MTM1: variants seen among roughly 807,000 people sequenced by gnomAD.
MTM1 encodes the protein myotubularin.
MTM1 carries 9 observed loss-of-function variants against 52.1 expected under a neutral mutation model. The observed-to-expected ratio is 0.17, with a 90% CI of 0.10 to 0.30. The LOEUF (loss-of-function observed/expected upper bound fraction) is 0.30. Ranked by LOEUF, MTM1 falls within the 10% of genes least tolerant of loss-of-function variation. The pLI is 1.00. For synonymous variants in MTM1, 136 were observed against 163.8 expected, an observed-to-expected ratio of 0.83 and a Z score of 1.29; for missense variants, 277 against 470.7, an observed-to-expected ratio of 0.59 and a Z score of 3.81.
In MTM1 at chrX:150,596,543, C is replaced by T. The variant is rs587783753; in HGVS notation, c.109C>T (p.Arg37Ter). ...TCGAGATCTCACTGAGGCTGTTCCT[C>T]GACTTCCAGGAGAAACACTAATCAC... ...VNRDLTEAVP[R>*]LPGETLITDK... Residue 37 changes from arginine to a stop codon, truncating the protein, a stop_gained, in exon 3 of 15, where the codon CGA becomes TGA. Coordinates refer to ENST00000370396, the MANE Select transcript of MTM1 (RefSeq NM_000252.3). LOFTEE classifies it high-confidence loss of function. The T allele has an allele frequency of 1.7e-6, 2 of 1,207,780 alleles. No individual in the cohort carries two copies. The highest frequency in any genetic ancestry group is 2.2e-6 in the Non-Finnish European group (2 of 893,760).
At chrX:150,646,181 G>A (rs142893100) in intron 9 of MTM1, among the ~76,000 whole-genome samples, 1 of 112,140 alleles carries the variant, frequency 8.9e-6, no homozygotes, top group East Asian at 2.8e-4. Flanking sequence ...ATCACTCATT[G>A]TGTACACTAT....
intron 6 of MTM1, among the ~76,000 whole-genome samples, chrX:150,630,205 G>T (rs2039642985): frequency 9.0e-6 from 1 of 111,681 alleles, no homozygotes; most frequent in South Asian, 3.7e-4. Context: ...CGATTTTCGT[G>T]CCTCAGCCTC....
intron 4 of MTM1, among the ~76,000 whole-genome samples, chrX:150,608,513 C>T (rs1276480393): frequency 8.9e-6 from 1 of 112,047 alleles, no homozygotes; most frequent in Non-Finnish European, 1.9e-5. Context: ...GCCACCATGC[C>T]CAGCCCTTTA....
chrX:150,643,060 A>G (rs2039874391), intron 8 of MTM1, among the ~76,000 whole-genome samples: 1 of 111,873 alleles, frequency 8.9e-6, no homozygotes, highest in Non-Finnish European at 1.9e-5. Flanking sequence ...ACTATTAGGT[A>G]CTATTAAGCG....
chrX:150,574,596 A>G (rs2038436933), intron 1 of MTM1, among the ~76,000 whole-genome samples: 1 of 112,622 alleles, frequency 8.9e-6, no homozygotes, highest in African/African-American at 3.2e-5. Flanking sequence ...AGCATGTGCG[A>G]AATATTTCAA....
rs146077401 is a variant in MTM1 at position 150,605,791 on chromosome X, G to T, written c.231+7105G>T. On this transcript the variant is annotated intron_variant, in intron 4 of 14. Coordinates refer to ENST00000370396, the MANE Select transcript of MTM1 (RefSeq NM_000252.3). ...CTGGGTGTTGTGCCATCTAAGAGCT[G>T]GGTGTGGAACAAGTGCAGCAGTACT... Among the ~76,000 whole-genome samples the T allele has an allele frequency of 5.8e-3, 646 of 111,558 alleles. 4 individuals are homozygous for T. The highest frequency in any genetic ancestry group is 0.014 in the Middle Eastern group (3 of 215).
At chrX:150,610,196 C>T (rs1473778639) in intron 4 of MTM1, among the ~76,000 whole-genome samples, 4 of 111,630 alleles carry the variant, frequency 3.6e-5, no homozygotes, top group African/African-American at 1.3e-4. Context: ...GTTTGCCCTC[C>T]TTTGACCTCC....
intron 6 of MTM1, among the ~76,000 whole-genome samples, chrX:150,621,032 C>T (rs183987752): frequency 6.8e-5 from 7 of 103,627 alleles, no homozygotes; most frequent in Admixed American, 1.1e-4. Flanking sequence ...GCAGGACAAT[C>T]GCTTGAACCC....
At chrX:150,654,207 TA>T (rs1251706878) in intron 10 of MTM1, among the ~76,000 whole-genome samples, 2 of 112,249 alleles carry the variant, frequency 1.8e-5, no homozygotes, top group African/African-American at 6.5e-5. Flanking sequence ...TCGTGGGAAT[TA>T]ATACTTAATT....
At chrX:150,620,497 T>C (rs2039459454) in intron 6 of MTM1, among the ~76,000 whole-genome samples, 1 of 111,948 alleles carries the variant, frequency 8.9e-6, no homozygotes, top group African/African-American at 3.3e-5. Context: ...CCAAATCTAG[T>C]GGCTCATTTC....
upstream of MTM1, among the ~76,000 whole-genome samples, chrX:150,565,823 G>C (rs2148387832): frequency 8.9e-6 from 1 of 111,889 alleles, no homozygotes; most frequent in South Asian, 3.7e-4. Context: ...AACAGGTGTA[G>C]GCTGTGCTAC....
intron 1 of MTM1, among the ~76,000 whole-genome samples, chrX:150,569,038 T>C (rs1346558886): frequency 1.8e-5 from 2 of 113,534 alleles, no homozygotes; most frequent in African/African-American, 6.4e-5. Flanking sequence ...GCGTCCGCCC[T>C]GCCTCCCCGG....
intron 4 of MTM1, among the ~76,000 whole-genome samples, chrX:150,611,743 T>C (rs2039282596): frequency 8.9e-6 from 1 of 112,032 alleles, no homozygotes; most frequent in African/African-American, 3.2e-5. Flanking sequence ...CATGGAACTG[T>C]TCTGTCACCA....
chrX:150,623,616 G>T (rs1261293133), intron 6 of MTM1, among the ~76,000 whole-genome samples: 3 of 110,846 alleles, frequency 2.7e-5, no homozygotes, highest in Admixed American at 9.6e-5. Context: ...AGAGAGAAGG[G>T]ATCTTTTCTT....
chrX:150,646,176 T>C (rs1455363023), intron 9 of MTM1, among the ~76,000 whole-genome samples: 1 of 112,216 alleles, frequency 8.9e-6, no homozygotes, highest in Non-Finnish European at 1.9e-5. Context: ...GGATGATCAC[T>C]CATTGTGTAC....
At chrX:150,577,891 A>C (rs146466254) in intron 1 of MTM1, among the ~76,000 whole-genome samples, 4,109 of 112,034 alleles carry the variant, frequency 0.037, 193 homozygotes, top group African/African-American at 0.12. Flanking sequence ...GAACTTTTTT[A>C]GTCCTGCTCT....
At chrX:150,639,680 A>T (rs1239555176) in intron 7 of MTM1, among the ~76,000 whole-genome samples, 1 of 112,432 alleles carries the variant, frequency 8.9e-6, no homozygotes, top group Non-Finnish European at 1.9e-5. Context: ...AACAAGAGCC[A>T]CAGTTTGACC....
intron 1 of MTM1, among the ~76,000 whole-genome samples, chrX:150,568,993 T>A (rs893915016): frequency 8.8e-6 from 1 of 113,501 alleles, no homozygotes; most frequent in African/African-American, 3.2e-5. Flanking sequence ...CTGCCTGGAC[T>A]TTGCTTCCCC....
intron 14 of MTM1, among the ~76,000 whole-genome samples, chrX:150,665,195 T>G (rs2040284909): frequency 8.9e-6 from 1 of 112,176 alleles, no homozygotes; most frequent in African/African-American, 3.2e-5. Context: ...ATGTGGATTT[T>G]CTGAATATGA....
Sources: allele counts gnomAD v4.1 joint callset (sites outside exome capture counted in the v4.1 genomes callset), GRCh38; gene constraint gnomAD v4.1.1; transcripts MANE v1.5; gene names NCBI Gene and HGNC (gene_info 2026-07-23, HGNC 2026-07-21).